Variants in LYPLAL1 observed in about 807,000 individuals in gnomAD.
LYPLAL1 encodes the protein lysophospholipase-like protein 1.
In LYPLAL1, 23 loss-of-function variants were observed where a neutral mutation model predicts 19.7. That is an observed-to-expected ratio of 1.17 (90% CI 0.84 to 1.65). The LOEUF (loss-of-function observed/expected upper bound fraction) is 1.65, where lower values mean the gene tolerates loss of function less well. Ranked by LOEUF, LYPLAL1 falls within the 40% of genes most tolerant of loss-of-function variation. The probability of loss-of-function intolerance (pLI) is 0.00; values close to 1 mark genes in which losing one functional copy is unlikely to be tolerated. For synonymous variants in LYPLAL1, 119 were observed against 96.3 expected, an observed-to-expected ratio of 1.24 and a Z score of -1.38; for missense variants, 355 against 279.4, an observed-to-expected ratio of 1.27 and a Z score of -1.93.
chr1:219,285,228 A>C, the LYPLAL1 span, among the ~76,000 whole-genome samples: 7 of 152,352 alleles, frequency 4.6e-5, no homozygotes, highest in East Asian at 9.6e-4. Flanking sequence ...AAACATACAA[A>C]CGAAATCAGA....
chr1:219,274,225 C>A, the LYPLAL1 span, among the ~76,000 whole-genome samples: 1 of 152,162 alleles, frequency 6.6e-6, no homozygotes, highest in Admixed American at 6.5e-5. Flanking sequence ...AAACAGCATG[C>A]CCAAATGTAG....
At chr1:219,440,352 A>G in the LYPLAL1 span, among the ~76,000 whole-genome samples, 29 of 152,152 alleles carry the variant, frequency 1.9e-4, no homozygotes, top group Admixed American at 4.6e-4. Flanking sequence ...AGGTCAACCC[A>G]GGATCGATGT....
At chr1:219,422,163 G>A in the LYPLAL1 span, among the ~76,000 whole-genome samples, 2 of 152,138 alleles carry the variant, frequency 1.3e-5, no homozygotes, top group South Asian at 2.1e-4. Context: ...TCTGTAAAAG[G>A]GCAATTAGTA....
the LYPLAL1 span, among the ~76,000 whole-genome samples, chr1:219,306,741 CATAGATAGATAG>C: frequency 1.6e-4 from 20 of 128,180 alleles, no homozygotes; most frequent in South Asian, 1.1e-3. Flanking sequence ...CAGACAGATG[CATAGATAGATAG>C]ATAGATAGAT....
the LYPLAL1 span, among the ~76,000 whole-genome samples, chr1:219,223,458 T>G: frequency 6.6e-6 from 1 of 152,206 alleles, no homozygotes; most frequent in Admixed American, 6.5e-5. Flanking sequence ...GAAATTATAT[T>G]CAAAATATTG....
chr1:219,195,977 G>C (rs1388819411), intron 3 of LYPLAL1, among the ~76,000 whole-genome samples: 2 of 152,070 alleles, frequency 1.3e-5, no homozygotes, highest in Non-Finnish European at 2.9e-5. Context: ...ATGGCTTCCA[G>C]CTCCATCCTT....
At chr1:219,220,171 A>T in the LYPLAL1 span, among the ~76,000 whole-genome samples, 2 of 152,142 alleles carry the variant, frequency 1.3e-5, no homozygotes, top group East Asian at 3.9e-4. Context: ...GGACTAGAGC[A>T]TTTAAAAAAC....
intron 3 of LYPLAL1, among the ~76,000 whole-genome samples, chr1:219,198,383 G>A (rs1419660186): frequency 6.6e-6 from 1 of 151,584 alleles, no homozygotes; most frequent in Non-Finnish European, 1.5e-5. Context: ...AGTTTTCATG[G>A]GTGATATAAA....
chr1:219,266,112 T>C, the LYPLAL1 span, among the ~76,000 whole-genome samples: 1 of 152,178 alleles, frequency 6.6e-6, no homozygotes, highest in Non-Finnish European at 1.5e-5. Context: ...TAAACTTTGC[T>C]AACTGTAGCT....
the LYPLAL1 span, among the ~76,000 whole-genome samples, chr1:219,433,517 AC>A: frequency 9.2e-5 from 14 of 152,302 alleles, no homozygotes; most frequent in African/African-American, 3.4e-4. Flanking sequence ...TGTGCTGGAG[AC>A]CAGAAAGCTA....
At chr1:219,377,432 A>C in the LYPLAL1 span, among the ~76,000 whole-genome samples, 1 of 152,210 alleles carries the variant, frequency 6.6e-6, no homozygotes, top group Admixed American at 6.5e-5. Flanking sequence ...TTGCACAACA[A>C]TGTGAATGTA....
chr1:219,184,601 C>T (rs187925150), intron 2 of LYPLAL1, among the ~76,000 whole-genome samples: 90 of 151,770 alleles, frequency 5.9e-4, no homozygotes, highest in Admixed American at 1.6e-3. Context: ...TGTATATATG[C>T]CTTTTTTTTA....
chr1:219,330,699 T>C, the LYPLAL1 span, among the ~76,000 whole-genome samples: 1 of 152,224 alleles, frequency 6.6e-6, no homozygotes, highest in African/African-American at 2.4e-5. Context: ...TCAAAATGTT[T>C]TCACTTACTC....
chr1:219,408,020 T>C, the LYPLAL1 span, among the ~76,000 whole-genome samples: 1 of 152,086 alleles, frequency 6.6e-6, no homozygotes, highest in Middle Eastern at 3.2e-3. Flanking sequence ...TGCGAACACA[T>C]TGGGGCTTGG....
chr1:219,235,566 A>G, the LYPLAL1 span, among the ~76,000 whole-genome samples: 1 of 152,200 alleles, frequency 6.6e-6, no homozygotes, highest in East Asian at 1.9e-4. Context: ...ATGTTTTTGC[A>G]GAGTAGAACA....
chr1:219,345,522 A>C, the LYPLAL1 span, among the ~76,000 whole-genome samples: 1 of 152,194 alleles, frequency 6.6e-6, no homozygotes, highest in Non-Finnish European at 1.5e-5. Context: ...TTATAATTAA[A>C]TATCCAGAGA....
At chr1:219,302,499 A>T in the LYPLAL1 span, among the ~76,000 whole-genome samples, 1 of 152,148 alleles carries the variant, frequency 6.6e-6, no homozygotes, top group Admixed American at 6.5e-5. Flanking sequence ...AATGAAACTG[A>T]TCTGGGTGCA....
chr1:219,207,956 T>TA (rs1462940762), intron 3 of LYPLAL1, among the ~76,000 whole-genome samples: 4 of 152,060 alleles, frequency 2.6e-5, no homozygotes, highest in African/African-American at 9.7e-5. Context: ...TCTCTTTTTT[T>TA]ATTCTCTGTG....
At chr1:219,191,935 G>T (rs1395986687) in intron 2 of LYPLAL1, among the ~76,000 whole-genome samples, 1 of 151,238 alleles carries the variant, frequency 6.6e-6, no homozygotes, top group African/African-American at 2.4e-5. Context: ...ATTTTAGTCA[G>T]TTCAACTTTC....
Sources: gnomAD v4.1 joint callset for allele counts (sites outside exome capture counted in the v4.1 genomes callset) on GRCh38, gnomAD v4.1.1 for gene constraint, MANE v1.5 for transcripts, NCBI Gene and HGNC (gene_info 2026-07-23, HGNC 2026-07-21) for gene names.